The following RBFOX1 variants were observed in gnomAD, a reference collection of about 807,000 sequenced individuals.
RBFOX1 encodes the protein RNA binding protein fox-1 homolog 1.
Under a neutral mutation model 57.7 loss-of-function variants are expected in RBFOX1, and 8 were observed. The observed-to-expected ratio is 0.14, with a 90% CI of 0.08 to 0.25. The LOEUF (loss-of-function observed/expected upper bound fraction) is 0.25. Among genes scored for constraint, RBFOX1 ranks in the 10% least tolerant of loss-of-function variants. RBFOX1 has a pLI of 1.00. For missense variants in RBFOX1, 611 were observed against 548.5 expected (o/e 1.11, Z -1.14); for synonymous variants, 326 against 222.4 (o/e 1.47, Z -4.15).
At chr16:7,528,378 T>A (rs570210436) in intron 5 of RBFOX1, among the ~76,000 whole-genome samples, 1 of 152,220 alleles carries the variant, frequency 6.6e-6, no homozygotes, top group Admixed American at 6.5e-5. Context: ...ATCCATCCTT[T>A]CTGTAGCTCA....
intron 4 of RBFOX1, among the ~76,000 whole-genome samples, chr16:7,377,900 T>G (rs917489923): frequency 6.6e-6 from 1 of 152,174 alleles, no homozygotes; most frequent in Non-Finnish European, 1.5e-5. Flanking sequence ...TCCCATAGTT[T>G]GGAGACTCAG....
At chr16:6,708,779 C>A (rs913727691) in intron 3 of RBFOX1, among the ~76,000 whole-genome samples, 3 of 152,176 alleles carry the variant, frequency 2.0e-5, no homozygotes, top group African/African-American at 4.8e-5. Context: ...GGAAGGTGTT[C>A]ATTTGTCTGC....
chr16:5,414,462 G>A (rs769344221), intron 1 of RBFOX1, among the ~76,000 whole-genome samples: 1 of 152,138 alleles, frequency 6.6e-6, no homozygotes, highest in African/African-American at 2.4e-5. Context: ...CAGAATGGAG[G>A]GTGACAGTTG....
chr16:5,882,006 C>T (rs1430154191), intron 4 of RBFOX1, among the ~76,000 whole-genome samples: 1 of 152,188 alleles, frequency 6.6e-6, no homozygotes, highest in Non-Finnish European at 1.5e-5. Context: ...GAGTATTTTA[C>T]ATACTTAATC....
At chr16:7,152,880 C>G (rs551265690) in intron 4 of RBFOX1, among the ~76,000 whole-genome samples, 5 of 152,152 alleles carry the variant, frequency 3.3e-5, no homozygotes, top group African/African-American at 4.8e-5. Flanking sequence ...TTGCAAGACT[C>G]AAGTGGACAT....
intron 2 of RBFOX1, among the ~76,000 whole-genome samples, chr16:5,543,220 T>C (rs1217193081): frequency 6.6e-6 from 1 of 152,058 alleles, no homozygotes; most frequent in Non-Finnish European, 1.5e-5. Context: ...AGCATGAAAA[T>C]ACAACCTAAA....
intron 1 of RBFOX1, among the ~76,000 whole-genome samples, chr16:5,393,440 A>C (rs1024368700): frequency 2.0e-5 from 3 of 152,190 alleles, no homozygotes; most frequent in Non-Finnish European, 4.4e-5. Flanking sequence ...TGGTTAAGCA[A>C]ATATGCCTTG....
At chr16:5,912,998 T>C (rs2058635102) in intron 4 of RBFOX1, among the ~76,000 whole-genome samples, 1 of 152,122 alleles carries the variant, frequency 6.6e-6, no homozygotes, top group African/African-American at 2.4e-5. Flanking sequence ...AAAGTTCTCT[T>C]CTTAGGGTCA....
intron 14 of RBFOX1, among the ~76,000 whole-genome samples, chr16:7,692,149 G>A (rs959983964): frequency 6.6e-6 from 1 of 152,096 alleles, no homozygotes; most frequent in South Asian, 2.1e-4. Context: ...AAAATCTTAT[G>A]TTAACTTTTA....
chr16:7,474,439 C>G (rs2062201534), intron 4 of RBFOX1, among the ~76,000 whole-genome samples: 1 of 152,028 alleles, frequency 6.6e-6, no homozygotes, highest in African/African-American at 2.4e-5. Context: ...TAATGTTTTA[C>G]AATTAAGGAT....
chr16:7,195,172 C>T (rs1433170424), intron 4 of RBFOX1, among the ~76,000 whole-genome samples: 2 of 152,164 alleles, frequency 1.3e-5, no homozygotes, highest in African/African-American at 2.4e-5. Flanking sequence ...GTTGGACCAG[C>T]CATATTAGGA....
At chr16:5,966,610 C>T (rs1002676976) in intron 4 of RBFOX1, among the ~76,000 whole-genome samples, 1 of 152,212 alleles carries the variant, frequency 6.6e-6, no homozygotes, top group Non-Finnish European at 1.5e-5. Flanking sequence ...CCTTCCACCA[C>T]AGCCAGCTAA....
chr16:7,299,235 T>G (rs932650498), intron 4 of RBFOX1, among the ~76,000 whole-genome samples: 2 of 152,188 alleles, frequency 1.3e-5, no homozygotes, highest in African/African-American at 2.4e-5. Flanking sequence ...TATTCGTTAT[T>G]TGATTTTATT....
intron 4 of RBFOX1, among the ~76,000 whole-genome samples, chr16:7,412,491 T>G (rs953909643): frequency 6.6e-6 from 1 of 152,036 alleles, no homozygotes; most frequent in Non-Finnish European, 1.5e-5. Context: ...ACAACATTTC[T>G]GTAAATCGAA....
chr16:7,639,567 A>G (rs2062402769), intron 11 of RBFOX1, among the ~76,000 whole-genome samples: 2 of 152,070 alleles, frequency 1.3e-5, no homozygotes, highest in African/African-American at 4.8e-5. Context: ...CTTCTATTAT[A>G]CCTATATTCT....
intron 1 of RBFOX1, among the ~76,000 whole-genome samples, chr16:6,036,861 C>G (rs751813679): frequency 1.6e-4 from 24 of 152,132 alleles, no homozygotes; most frequent in Admixed American, 7.2e-4. Flanking sequence ...CTATATGGGA[C>G]ACACAAAAAA....
chr16:5,826,294 A>G (rs2056052360), intron 3 of RBFOX1, among the ~76,000 whole-genome samples: 1 of 152,068 alleles, frequency 6.6e-6, no homozygotes, highest in Non-Finnish European at 1.5e-5. Context: ...GTGCCCCTCA[A>G]GTGTGAATTG....
intron 4 of RBFOX1, among the ~76,000 whole-genome samples, chr16:7,416,997 G>A (rs2098484274): frequency 6.6e-6 from 1 of 152,076 alleles, no homozygotes; most frequent in Admixed American, 6.6e-5. Context: ...ATTCCAGTGT[G>A]GGGCTCGTAA....
At chr16:6,771,319 C>T (rs1450987587) in intron 3 of RBFOX1, among the ~76,000 whole-genome samples, 1 of 152,110 alleles carries the variant, frequency 6.6e-6, no homozygotes, top group South Asian at 2.1e-4. Context: ...GGCAAGCTGA[C>T]ACACTTCTGC....
Sources: allele counts gnomAD v4.1 joint callset (sites outside exome capture counted in the v4.1 genomes callset), GRCh38; gene constraint gnomAD v4.1.1; transcripts MANE v1.5; gene names NCBI Gene and HGNC (gene_info 2026-07-23, HGNC 2026-07-21).